Variants in INTS14 observed in about 807,000 individuals in gnomAD.
The protein encoded by INTS14 is integrator complex subunit 14.
In INTS14, 27 loss-of-function variants were observed where a neutral mutation model predicts 56.9. The observed-to-expected ratio is 0.47, with a 90% CI of 0.35 to 0.65. The LOEUF (loss-of-function observed/expected upper bound fraction) is 0.65. Ranked by LOEUF, INTS14 falls within the 30% of genes least tolerant of loss-of-function variation. The probability of loss-of-function intolerance (pLI) is 0.00; values close to 1 mark genes in which losing one functional copy is unlikely to be tolerated. For synonymous variants in INTS14, 207 were observed against 236.2 expected, an observed-to-expected ratio of 0.88 and a Z score of 1.13; for missense variants, 517 against 632.2, an observed-to-expected ratio of 0.82 and a Z score of 1.95.
At chr15:65,610,059 G>A (rs573949263) in intron 1 of INTS14, among the ~76,000 whole-genome samples, 21 of 149,060 alleles carry the variant, frequency 1.4e-4, no homozygotes, top group African/African-American at 4.7e-4. Flanking sequence ...GTTCACTCAA[G>A]CAGTATAGGC....
At chr15:65,599,095 CAGATGATTTTTTTAAT>C in intron 4 of INTS14, 105 bp from the exon 5 acceptor site, 1 of 712,778 alleles carries the variant, frequency 1.4e-6, no homozygotes, top group Middle Eastern at 2.5e-4. Context: ...CAATAAATAA[CAGATGATTTTTTTAAT>C]AGCCAATGTG....
At chr15:65,610,845 G>C in intron 1 of INTS14, 2 of 1,530,428 alleles carry the variant, frequency 1.3e-6, no homozygotes, top group Non-Finnish European at 1.7e-6. Context: ...CTCTTGGAAA[G>C]AGGGGGCAGA....
chr15:65,598,414 C>T lies in INTS14; in HGVS notation c.655G>A (p.Gly219Ser). ...ACTTGTACATCAGCAGTTAGGTGGCCACACTTGAGAACAGCATGGAAAGGC... is the reference window on the plus strand; with the variant it reads ...ACTTGTACATCAGCAGTTAGGTGGCTACACTTGAGAACAGCATGGAAAGGC... ...YTPFHAVLKC[G>S]HLTADVQVFP... Residue 219 changes from glycine (G) to serine (S), a missense_variant, in exon 6 of 12, where the codon GGC becomes AGC. Physicochemically the swap from Gly to Ser is moderately conservative, Grantham distance 56. Transcript: ENST00000313182. The T allele has an allele frequency of 6.2e-7, 1 of 1,614,050 alleles. No individual in the cohort carries two copies. The highest frequency in any genetic ancestry group is 8.5e-7 in the Non-Finnish European group (1 of 1,179,956).
At chr15:65,590,510 G>A (rs2141271272) in intron 9 of INTS14, among the ~76,000 whole-genome samples, 1 of 152,262 alleles carries the variant, frequency 6.6e-6, no homozygotes, top group South Asian at 2.1e-4. Flanking sequence ...CACATTTTGT[G>A]CCACACTTCC....
chr15:65,598,898 G>A lies in INTS14; in HGVS notation c.579C>T (p.Cys193=). 6.2e-7 allele frequency: 1 copy of A among 1,613,788 alleles called. No homozygotes were observed. The highest frequency in any genetic ancestry group is 8.5e-7 in the Non-Finnish European group (1 of 1,179,802). Residue 193 remains cysteine, a synonymous_variant, in exon 5 of 12, where the codon TGC becomes TGT. Transcript: ENST00000313182. ...CAAACATAGACTGTACATTCTTCAAGCACAGGGGGCCATCAATAGTAAAAA... is the reference window on the plus strand; with the variant it reads ...CAAACATAGACTGTACATTCTTCAAACACAGGGGGCCATCAATAGTAAAAA... ...GQIFTIDGPL[C]LKNVQSMFGK... is the part of the protein sequence containing the mutation.
At chr15:65,601,706 A>G (rs111856608) in intron 3 of INTS14, among the ~76,000 whole-genome samples, 9,495 of 152,264 alleles carry the variant, frequency 0.062, 310 homozygotes, top group African/African-American at 0.09. Context: ...GATAAAGCCC[A>G]AGAATGCTTA....
At chr15:65,587,079 C>A (rs954819818) in intron 9 of INTS14, 1 of 152,152 alleles carries the variant, frequency 6.6e-6, no homozygotes, top group Non-Finnish European at 1.5e-5. Flanking sequence ...AGTAATGCTT[C>A]AAAACTCTGA....
In INTS14 at chr15:65,607,416, A is replaced by C. The variant is rs747643191; in HGVS notation, c.-36T>G. 1.9e-6 allele frequency: 3 copies of C among 1,612,486 alleles called. No individual in the cohort carries two copies. Among genetic ancestry groups the C allele is most frequent in the Non-Finnish European group, 2.5e-6 (3 of 1,178,848 alleles). On this transcript the variant is annotated 5_prime_UTR_variant, in exon 2 of 12. Transcript: ENST00000313182. ...ATCCCAGTGTTCCCAATCAGAATGC[A>C]AACAGACAGCTATAAACGAAGAAAT...
intron 6 of INTS14, among the ~76,000 whole-genome samples, chr15:65,596,430 A>G (rs1000270552): frequency 3.3e-5 from 5 of 152,212 alleles, no homozygotes; most frequent in Non-Finnish European, 5.9e-5. Flanking sequence ...ATTATAAAGA[A>G]GAAAAAGTCA....
intron 1 of INTS14, among the ~76,000 whole-genome samples, chr15:65,608,369 A>C (rs2073732698): frequency 6.6e-6 from 1 of 151,272 alleles, no homozygotes; most frequent in African/African-American, 2.4e-5. Flanking sequence ...CATCTCAAAA[A>C]AAAAAAAAAA....
chr15:65,609,103 A>G (rs1458693814), intron 1 of INTS14, among the ~76,000 whole-genome samples: 3 of 152,152 alleles, frequency 2.0e-5, no homozygotes, highest in Non-Finnish European at 4.4e-5. Context: ...TATTTTTAGT[A>G]GAGATGGGGT....
chr15:65,607,317 A>AC lies in INTS14; in HGVS notation c.63dup (p.Ser22ValfsTer7), dbSNP rs1430178206. The AC allele has an allele frequency of 6.2e-7, 1 of 1,614,078 alleles. No homozygotes were observed. The highest frequency in any genetic ancestry group is 1.7e-5 in the Admixed American group (1 of 59,998). The stretch of plus-strand genomic sequence containing the variant: ...AGGTGCTTACGCTGGTATTCCTCGG[A>AC]CCCCTCAATAGACACAGGTCGGGTC... On this transcript the variant is annotated frameshift_variant, in exon 2 of 12. Coordinates refer to ENST00000313182, the MANE Select transcript of INTS14 (RefSeq NM_001394796.1). LOFTEE classifies it high-confidence loss of function.
At chr15:65,604,307 C>A (rs1355361823) in intron 3 of INTS14, among the ~76,000 whole-genome samples, 1 of 152,184 alleles carries the variant, frequency 6.6e-6, no homozygotes, top group Non-Finnish European at 1.5e-5. Context: ...TGGTCTCGAT[C>A]TCTTGACCTG....
At chr15:65,595,963 T>C (rs944966798) in intron 6 of INTS14, 138 bp from the exon 7 acceptor site, 1 of 602,892 alleles carries the variant, frequency 1.7e-6, no homozygotes, top group African/African-American at 1.9e-5. Context: ...GATTTGTATA[T>C]GGAGTCGTCT....
At chr15:65,588,154 T>C (rs1566920544) in intron 9 of INTS14, among the ~76,000 whole-genome samples, 2 of 151,532 alleles carry the variant, frequency 1.3e-5, no homozygotes, top group Non-Finnish European at 2.9e-5. Context: ...CCAAGCGTGG[T>C]GGTGGACACC....
At chr15:65,580,216 A>G (rs1376452378) in intron 11 of INTS14, among the ~76,000 whole-genome samples, 2 of 152,196 alleles carry the variant, frequency 1.3e-5, no homozygotes, top group African/African-American at 2.4e-5. Context: ...GGCAAGTTAT[A>G]TAGCCTCTCT....
chr15:65,601,892 A>G (rs2073448216), intron 3 of INTS14, among the ~76,000 whole-genome samples: 1 of 152,206 alleles, frequency 6.6e-6, no homozygotes, highest in Non-Finnish European at 1.5e-5. Flanking sequence ...AGACTTTACT[A>G]AATAATAAAG....
At position 65,579,636 on chromosome 15, in the gene INTS14, G is replaced by A. The variant is rs753609733; in HGVS notation, c.1329C>T (p.Ala443=). Residue 443 remains alanine (A), a synonymous_variant, in exon 12 of 12, where the codon GCC becomes GCT. Transcript: ENST00000313182. ...GGTCCAGGAAACCAAAGGCTAGAGC[G>A]GCCTTTCGCAAACGGTTCAGCTCCT... ...FYKELNRLRK[A]ALAFGFLDLL... is the part of the protein sequence containing the mutation. The A allele has an allele frequency of 2.1e-5, 34 of 1,613,648 alleles. No homozygotes were observed. Among genetic ancestry groups the A allele is most frequent in the Non-Finnish European group, 2.7e-5 (32 of 1,179,726 alleles).
intron 10 of INTS14, among the ~76,000 whole-genome samples, chr15:65,583,683 T>C (rs1327059843): frequency 6.6e-6 from 1 of 152,166 alleles, no homozygotes; most frequent in Admixed American, 6.5e-5. Context: ...ATTTTATGTA[T>C]ATTTTACCAG....
Sources: gnomAD v4.1 joint callset for allele counts (sites outside exome capture counted in the v4.1 genomes callset) on GRCh38, gnomAD v4.1.1 for gene constraint, MANE v1.5 for transcripts, NCBI Gene and HGNC (gene_info 2026-07-23, HGNC 2026-07-21) for gene names.